Variants in SEC14L5 observed in about 807,000 individuals in gnomAD.
SEC14L5 encodes the protein SEC14 like lipid binding 5.
Under a neutral mutation model 84.6 loss-of-function variants are expected in SEC14L5, and 96 were observed. The observed-to-expected ratio is 1.13, with a 90% CI of 0.96 to 1.34. The LOEUF is 1.34. Ranked by LOEUF, SEC14L5 falls within the 40% of genes most tolerant of loss-of-function variation. The probability of loss-of-function intolerance (pLI) is 0.00; values close to 1 mark genes in which losing one functional copy is unlikely to be tolerated. For missense variants in SEC14L5, 1,224 were observed against 942.5 expected, an observed-to-expected ratio of 1.30 and a Z score of -3.91; for synonymous variants, 546 against 383.4, an observed-to-expected ratio of 1.42 and a Z score of -4.95.
chr16:4,982,591 G>T (rs1365368331), intron 2 of SEC14L5, among the ~76,000 whole-genome samples: 3 of 152,158 alleles, frequency 2.0e-5, no homozygotes, highest in African/African-American at 7.2e-5. Flanking sequence ...TTGGCTCCGA[G>T]GACAGTGAGG....
chr16:5,002,137 C>G (rs1000711014), intron 10 of SEC14L5, among the ~76,000 whole-genome samples: 1 of 152,184 alleles, frequency 6.6e-6, no homozygotes, highest in Non-Finnish European at 1.5e-5. Flanking sequence ...AAACACGGAT[C>G]TTGCACTTGC....
chr16:4,992,500 C>T (rs370526717), intron 6 of SEC14L5, among the ~76,000 whole-genome samples: 51 of 152,320 alleles, frequency 3.3e-4, no homozygotes, highest in African/African-American at 8.9e-4. Context: ...GATCTGCTTG[C>T]CTTGGCCTCC....
chr16:4,991,393 C>G (rs1252335207), intron 5 of SEC14L5, among the ~76,000 whole-genome samples: 1 of 151,762 alleles, frequency 6.6e-6, no homozygotes, highest in East Asian at 1.9e-4. Context: ...GACTCCATCT[C>G]TAAAAAAATA....
At chr16:4,988,323 T>A in intron 4 of SEC14L5, 43 bp downstream of exon 4, 3 of 1,601,348 alleles carry the variant, frequency 1.9e-6, no homozygotes, top group Non-Finnish European at 2.6e-6. Context: ...GGCACCCACC[T>A]GCGCCCGGCA....
In SEC14L5 at chr16:5,008,336, C is replaced by A; in HGVS notation, c.1573-85C>A. ...CTGGGAAAGGAGACCCCAGGGGGCA[C>A]CCACAGCCCCTCCTGCCACTGTGTT... is the stretch of plus-strand genomic sequence containing the variant. On this transcript the variant is annotated intron_variant, in intron 13 of 15. Transcript: ENST00000251170. 3.1e-6 allele frequency: 3 copies of A among 980,502 alleles called. No homozygotes were observed. The Admixed American group carries it at 6.3e-5, about 20-fold the overall frequency. The allele number at this position is 980,502 out of a possible 1,614,324, so 60.7% of individuals were successfully genotyped here.
chr16:4,969,426 C>G (rs1236221121), intron 2 of SEC14L5, among the ~76,000 whole-genome samples: 1 of 151,896 alleles, frequency 6.6e-6, no homozygotes, highest in Non-Finnish European at 1.5e-5. Flanking sequence ...CCTCTGTTGC[C>G]CAGGCTGGAA....
intron 2 of SEC14L5, among the ~76,000 whole-genome samples, chr16:4,974,850 T>C (rs1197496453): frequency 6.6e-6 from 1 of 151,856 alleles, no homozygotes; most frequent in African/African-American, 2.4e-5. Flanking sequence ...TGATCTCGGC[T>C]CACTGCAACC....
chr16:5,011,857 C>A (rs182574189), intron 15 of SEC14L5, among the ~76,000 whole-genome samples: 1 of 152,098 alleles, frequency 6.6e-6, no homozygotes, highest in Non-Finnish European at 1.5e-5. Flanking sequence ...CCTGGGCATG[C>A]GGTGTGCATG....
rs1568144102 is a variant in SEC14L5, at chr16:5,003,425, T to C, written c.1154T>C (p.Leu385Pro). The C allele has an allele frequency of 6.2e-7, 1 of 1,613,304 alleles. No individual in the cohort carries two copies. Among genetic ancestry groups the C allele is most frequent in the Non-Finnish European group, 8.5e-7 (1 of 1,179,736 alleles). Residue 385 changes from leucine (L) to proline (P), a missense_variant, in exon 11 of 16, where the codon CTG (leucine) becomes CCG (proline). Physicochemically the swap from Leu to Pro is moderately conservative, Grantham distance 98. Coordinates refer to ENST00000251170, the MANE Select transcript of SEC14L5 (RefSeq NM_014692.2). ...PISSWTCLLD[L>P]EGLNMRHLWR... ...AGCTCCTGGACCTGCCTGCTAGACC[T>C]GGAGGGACTCAACATGCGGCACCTG...
rs200776655 is a variant in SEC14L5 at position 5,000,970 on chromosome 16, C to T, written c.1130+45C>T. On this transcript the variant is annotated intron_variant, in intron 10 of 15. Transcript: ENST00000251170. ...ACAAATCCCCCCTAAACAGCAAAGA[C>T]GGAGGGTGGAGAGGGGTCCACTGTG... 1.4e-4 allele frequency: 208 copies of T among 1,471,918 alleles called. No homozygotes were observed. The East Asian group carries it at 2.1e-3, about 15-fold the overall frequency. The allele number at this position is 1,471,918 out of a possible 1,614,324, so 91.2% of individuals were successfully genotyped here.
chr16:5,003,327 A>G, intron 10 of SEC14L5, 75 bp from the exon 11 acceptor site: 1 of 1,168,088 alleles, frequency 8.6e-7, no homozygotes, highest in Non-Finnish European at 1.3e-6. Flanking sequence ...CTCCCTGTTC[A>G]TCCCCTGTGG....
intron 2 of SEC14L5, among the ~76,000 whole-genome samples, chr16:4,976,365 C>A (rs1251722698): frequency 6.6e-6 from 1 of 152,190 alleles, no homozygotes; most frequent in Non-Finnish European, 1.5e-5. Context: ...TTCATTCATC[C>A]TGTAAATGTC....
At chr16:4,969,934 C>T (rs1308052953) in intron 2 of SEC14L5, among the ~76,000 whole-genome samples, 1 of 151,918 alleles carries the variant, frequency 6.6e-6, no homozygotes, top group African/African-American at 2.4e-5. Context: ...TGTCCCACCT[C>T]AGCCTCCCAA....
intron 15 of SEC14L5, among the ~76,000 whole-genome samples, chr16:5,013,382 G>A (rs1343078550): frequency 7.1e-6 from 1 of 141,572 alleles, no homozygotes; most frequent in African/African-American, 2.5e-5. Flanking sequence ...TCACCAGGGG[G>A]TCTTTTTATT....
rs181588322 is a variant in SEC14L5, at chr16:4,990,310, C to A, written c.346-457C>A. Among the ~76,000 whole-genome samples, 1,380 of 152,042 alleles carry A rather than the reference C, an allele frequency of 9.1e-3. 14 individuals carry two copies. Among genetic ancestry groups the A allele is most frequent in the Non-Finnish European group, 0.013 (878 of 67,990 alleles). ...CCCGAGTAGCTGGGATTACAGGCAC[C>A]CACCACCATCTCTGGCTAATTTTTG... On this transcript the variant is annotated intron_variant, in intron 4 of 15. Coordinates refer to ENST00000251170, the MANE Select transcript of SEC14L5 (RefSeq NM_014692.2).
intron 13 of SEC14L5, among the ~76,000 whole-genome samples, chr16:5,007,772 A>G (rs1002363718): frequency 2.1e-5 from 3 of 143,374 alleles, no homozygotes; most frequent in Non-Finnish European, 4.6e-5. Flanking sequence ...CGTCCAGCTA[A>G]TTTTTGTATT....
chr16:4,969,564 A>G (rs1162962822), intron 2 of SEC14L5, among the ~76,000 whole-genome samples: 1 of 152,034 alleles, frequency 6.6e-6, no homozygotes, highest in Non-Finnish European at 1.5e-5. Context: ...TTGCATTTTT[A>G]GCAGAGATGG....
In SEC14L5 at chr16:5,007,392, A is replaced by G. The variant is rs1446178851; in HGVS notation, c.1478A>G (p.Tyr493Cys). The change falls in exon 13 of 16, where the codon TAC becomes TGC. Residue 493 changes from tyrosine to cysteine, a missense_variant. Transcript: ENST00000251170. ...GGAGGGCTGGTCCCCAAGTCCCTCT[A>G]CATGACAGAAGAGGAGCAGGAGCAC... is the stretch of plus-strand genomic sequence containing the variant. ...PEGGLVPKSLYMTEEEQEHTD... is the reference protein window; with the variant it reads ...PEGGLVPKSLCMTEEEQEHTD... 3 of 1,613,412 alleles carry G rather than the reference A, an allele frequency of 1.9e-6. No homozygotes were observed. The highest frequency in any genetic ancestry group is 1.7e-5 in the Admixed American group (1 of 59,996).
At chr16:5,003,648 C>G (rs1357960879) in intron 11 of SEC14L5, 75 bp downstream of exon 11, 3 of 950,090 alleles carry the variant, frequency 3.2e-6, no homozygotes, top group South Asian at 1.7e-5. Context: ...GCAAGCAGCT[C>G]TGCTCTCTTT....
Sources: gnomAD v4.1 joint callset for allele counts (sites outside exome capture counted in the v4.1 genomes callset) on GRCh38, gnomAD v4.1.1 for gene constraint, MANE v1.5 for transcripts, NCBI Gene and HGNC (gene_info 2026-07-23, HGNC 2026-07-21) for gene names.